PCDH15: variants seen among roughly 807,000 people sequenced by gnomAD.
The protein encoded by PCDH15 is protocadherin related 15.
In PCDH15, 129 loss-of-function variants were observed where a neutral mutation model predicts 178.5. The ratio of observed to expected loss-of-function variants is 0.72; its 90% confidence interval spans 0.63 to 0.84. The LOEUF (loss-of-function observed/expected upper bound fraction) is 0.84. Ranked by LOEUF, PCDH15 falls within the 40% of genes least tolerant of loss-of-function variation. The pLI, the probability that PCDH15 is intolerant of heterozygous loss-of-function variation, is 0.00. For missense variants in PCDH15, 2,230 were observed against 2,099.9 expected, an observed-to-expected ratio of 1.06 and a Z score of -1.21; for synonymous variants, 800 against 732.0, an observed-to-expected ratio of 1.09 and a Z score of -1.50.
At chr10:53,973,668 T>C (rs2089951641) in intron 21 of PCDH15, among the ~76,000 whole-genome samples, 1 of 152,182 alleles carries the variant, frequency 6.6e-6, no homozygotes, top group African/African-American at 2.4e-5. Context: ...TAGAAAAATC[T>C]TGAGGTCATT....
chr10:55,174,351 G>C (rs1418748749), intron 1 of PCDH15, among the ~76,000 whole-genome samples: 1 of 152,054 alleles, frequency 6.6e-6, no homozygotes, highest in African/African-American at 2.4e-5. Flanking sequence ...AAGAATCCAC[G>C]ACCAGAGTGA....
In PCDH15 at chr10:55,030,960, GA is replaced by G. The variant is rs374091860; in HGVS notation, c.-79-133461del. On this transcript the variant is annotated intron_variant, in intron 2 of 5. Coordinates refer to the PCDH15 transcript ENST00000458638. ...AATACAATTTAGGATAAGAGAATTA[GA>G]AAAAAACTATAAATAATGCTATTCC... Among the ~76,000 whole-genome samples, 6 of 151,152 alleles carry G rather than the reference GA, an allele frequency of 4.0e-5. No homozygotes were observed. The East Asian group carries it at 9.7e-4, about 25-fold the overall frequency.
In PCDH15 at chr10:54,329,640, T is replaced by C. The variant is rs1337389730; in HGVS notation, c.661A>G (p.Asn221Asp). The C allele has an allele frequency of 6.2e-7, 1 of 1,609,210 alleles. No homozygotes were observed. The highest frequency in any genetic ancestry group is 8.5e-7 in the Non-Finnish European group (1 of 1,176,010). ...AAGTAGCGAGTCTTATCTTCATAGTTGAGCCTCTTCCTTAACACTATATTT... is the reference window on the plus strand; with the variant it reads ...AAGTAGCGAGTCTTATCTTCATAGTCGAGCCTCTTCCTTAACACTATATTT... ...TGNIVLRKRL[N>D]YEDKTRYFVI... is the part of the protein sequence containing the mutation. Residue 221 changes from asparagine (N) to aspartate (D), a missense_variant, in exon 7 of 38, where the codon AAC becomes GAC. Coordinates refer to ENST00000644397, the MANE Select transcript of PCDH15 (RefSeq NM_001384140.1).
intron 1 of PCDH15, among the ~76,000 whole-genome samples, chr10:54,730,769 AC>A (rs1943225364): frequency 6.6e-6 from 1 of 151,444 alleles, no homozygotes; most frequent in Non-Finnish European, 1.5e-5. Flanking sequence ...AAAAATAAAG[AC>A]TTAAATTTAA....
At chr10:55,423,697 T>TC (rs1838680411) in intron 2 of PCDH15, among the ~76,000 whole-genome samples, 1 of 152,014 alleles carries the variant, frequency 6.6e-6, no homozygotes, top group South Asian at 2.1e-4. Flanking sequence ...AATTTTCTGA[T>TC]CTGTGAAAAA....
intron 9 of PCDH15, among the ~76,000 whole-genome samples, chr10:54,231,713 C>A (rs2054096017): frequency 6.6e-6 from 1 of 152,194 alleles, no homozygotes; most frequent in South Asian, 2.1e-4. Flanking sequence ...GGGAGCCCAC[C>A]CCCTGCATCA....
At chr10:53,950,767 C>G (rs2086957873) in intron 23 of PCDH15, among the ~76,000 whole-genome samples, 1 of 152,054 alleles carries the variant, frequency 6.6e-6, no homozygotes, top group South Asian at 2.1e-4. Flanking sequence ...GTTTGAACTA[C>G]TATTAGGATT....
intron 7 of PCDH15, among the ~76,000 whole-genome samples, chr10:54,319,531 A>G (rs7067767): frequency 0.25 from 38,339 of 151,994 alleles, 5,270 homozygotes; most frequent in African/African-American, 0.37. Context: ...ATGGAAAGCA[A>G]CTGCATGAGT....
chr10:55,199,746 A>G (rs993032979), intron 1 of PCDH15, among the ~76,000 whole-genome samples: 2 of 152,066 alleles, frequency 1.3e-5, no homozygotes, highest in Non-Finnish European at 1.5e-5. Flanking sequence ...GCCTCAGGAC[A>G]TAGCACCCTG....
chr10:55,105,959 T>C lies in PCDH15; in HGVS notation c.-80+60617A>G, dbSNP rs572784104. Reference sequence around the variant, plus strand: ...ATCATTTTATCCTGACTAGCTCTCTTTTAGGTGCAGGATTCCATTTTCAAT... The same window carrying C: ...ATCATTTTATCCTGACTAGCTCTCTCTTAGGTGCAGGATTCCATTTTCAAT... On this transcript the variant is annotated intron_variant, in intron 2 of 5. Transcript: ENST00000458638. Among the ~76,000 whole-genome samples, 10 of 152,244 alleles carry C rather than the reference T, an allele frequency of 6.6e-5. No individual in the cohort carries two copies. In the South Asian group the frequency reaches 2.1e-3, roughly 32 times the overall value.
intron 2 of PCDH15, among the ~76,000 whole-genome samples, chr10:54,577,546 TAA>T (rs1209780693): frequency 1.3e-5 from 2 of 151,652 alleles, no homozygotes; most frequent in East Asian, 1.9e-4. Context: ...GAAAAAAAAA[TAA>T]GTCAAGATTA....
At chr10:55,404,197 T>C (rs1020395062) in intron 2 of PCDH15, among the ~76,000 whole-genome samples, 1 of 152,034 alleles carries the variant, frequency 6.6e-6, no homozygotes, top group Non-Finnish European at 1.5e-5. Context: ...CTCTGGGAAG[T>C]GCAGAATCTA....
At position 54,153,175 on chromosome 10, in the gene PCDH15, C is replaced by G. The variant is rs769261753; in HGVS notation, c.1709G>C (p.Gly570Ala). Residue 570 changes from glycine to alanine, a missense_variant, in exon 14 of 38, where the codon GGG (glycine) becomes GCG (alanine). By Grantham distance (60) the Gly-to-Ala change is moderately conservative. Transcript: ENST00000644397. ...AGTCCGCCCGACTATCATTTCCACCCCTGGAGCGATGGTGATAAGCCCTGT... is the reference window on the plus strand; with the variant it reads ...AGTCCGCCCGACTATCATTTCCACCGCTGGAGCGATGGTGATAAGCCCTGT... ...KTTGLITIAP[G>A]VEMIVGRTYA... 6 of 1,613,930 alleles carry G rather than the reference C, an allele frequency of 3.7e-6. No homozygotes were observed. In the Admixed American group the frequency reaches 1.0e-4, roughly 27 times the overall value.
chr10:54,362,869 T>C (rs1946265589), intron 5 of PCDH15, among the ~76,000 whole-genome samples: 1 of 152,098 alleles, frequency 6.6e-6, no homozygotes, highest in Non-Finnish European at 1.5e-5. Flanking sequence ...TTTATCAAGT[T>C]TTAAAAAGTG....
intron 2 of PCDH15, among the ~76,000 whole-genome samples, chr10:54,643,856 T>G (rs2094054878): frequency 6.6e-6 from 1 of 150,888 alleles, no homozygotes; most frequent in African/African-American, 2.4e-5. Context: ...TTAGGGTACA[T>G]GTGCACAATG....
intron 4 of PCDH15, among the ~76,000 whole-genome samples, 193 bp from the exon 5 acceptor site, chr10:54,369,468 C>T (rs1947321806): frequency 6.6e-6 from 1 of 151,850 alleles, no homozygotes; most frequent in South Asian, 2.1e-4. Context: ...TTTTGTATCT[C>T]AGCGTGTGGA....
At chr10:54,392,468 CAAAAAAAAAAA>C (rs71007849) in intron 3 of PCDH15, among the ~76,000 whole-genome samples, 2 of 66,116 alleles carry the variant, frequency 3.0e-5, no homozygotes, top group African/African-American at 6.1e-5. Context: ...GAGGCTGTCT[CAAAAAAAAAAA>C]AAAAAAAAAA....
At chr10:54,290,554 T>C (rs1021265300) in intron 8 of PCDH15, among the ~76,000 whole-genome samples, 2 of 152,084 alleles carry the variant, frequency 1.3e-5, no homozygotes, top group Non-Finnish European at 2.9e-5. Flanking sequence ...AATATTAACC[T>C]AAAATGTAAA....
Position 54,737,347 on chromosome 10 carries a change from A to G in PCDH15, c.-29+63578T>C, listed in dbSNP as rs114842250. Among the ~76,000 whole-genome samples the G allele has an allele frequency of 9.2e-3, 1,404 of 152,220 alleles. 21 individuals carry two copies. The highest frequency in any genetic ancestry group is 0.055 in the East Asian group (282 of 5,154). ...GCTGAAGTTCATCTTTGAATCACCC[A>G]CTATACTACAAAATGGTGTATACAT... On this transcript the variant is annotated intron_variant, in intron 1 of 37. Coordinates refer to ENST00000644397, the MANE Select transcript of PCDH15 (RefSeq NM_001384140.1).
Sources: allele counts gnomAD v4.1 joint callset (sites outside exome capture counted in the v4.1 genomes callset), GRCh38; gene constraint gnomAD v4.1.1; transcripts MANE v1.5; gene names NCBI Gene and HGNC (gene_info 2026-07-23, HGNC 2026-07-21).